The following TMEM181 variants were observed in gnomAD, a reference collection of about 807,000 sequenced individuals.
The protein encoded by TMEM181 is G protein-coupled receptor 178.
In TMEM181, 39 loss-of-function variants were observed where a neutral mutation model predicts 71.9. That is an observed-to-expected ratio of 0.54 (90% CI 0.42 to 0.71). The LOEUF (loss-of-function observed/expected upper bound fraction) is 0.71, where lower values mean the gene tolerates loss of function less well. Among genes scored for constraint, TMEM181 ranks in the 30% least tolerant of loss-of-function variants. The pLI is 0.00. For missense variants in TMEM181, 595 were observed against 583.0 expected, an observed-to-expected ratio of 1.02 and a Z score of -0.21; for synonymous variants, 245 against 228.8, an observed-to-expected ratio of 1.07 and a Z score of -0.64.
At chr6:158,580,554 G>T (rs1279129896) in intron 2 of TMEM181, among the ~76,000 whole-genome samples, 1 of 152,228 alleles carries the variant, frequency 6.6e-6, no homozygotes, top group African/African-American at 2.4e-5. Context: ...AGATAAGTGT[G>T]TCTTAGGTTT....
chr6:158,559,021 C>T (rs969260684), upstream of TMEM181, among the ~76,000 whole-genome samples: 3 of 152,086 alleles, frequency 2.0e-5, no homozygotes, highest in Non-Finnish European at 4.4e-5. Context: ...TGAAGAGTTG[C>T]GGTTTAGGAT....
intron 6 of TMEM181, among the ~76,000 whole-genome samples, chr6:158,602,612 T>C (rs946234310): frequency 3.6e-5 from 5 of 138,808 alleles, no homozygotes; most frequent in African/African-American, 1.3e-4. Context: ...TTTTAATTTA[T>C]GTACTTTTTT....
chr6:158,554,378 G>A (rs554265797), intron 1 of TMEM181, among the ~76,000 whole-genome samples: 3 of 152,058 alleles, frequency 2.0e-5, no homozygotes, highest in East Asian at 3.9e-4. Flanking sequence ...GAGCCACCGC[G>A]CCTGGCCATT....
intron 2 of TMEM181, among the ~76,000 whole-genome samples, chr6:158,578,997 G>T (rs1352256955): frequency 6.6e-6 from 1 of 151,992 alleles, no homozygotes; most frequent in Non-Finnish European, 1.5e-5. Flanking sequence ...GGTGGCTCAT[G>T]CCTGTAATCC....
rs750902726 is a variant in TMEM181, at chr6:158,608,740, A to G, written c.886A>G (p.Ile296Val). 3.8e-5 allele frequency: 62 copies of G among 1,611,432 alleles called. No homozygotes were observed. Among genetic ancestry groups the G allele is most frequent in the Admixed American group, 1.9e-4 (11 of 59,334 alleles). Residue 296 changes from isoleucine (I) to valine (V), a missense_variant, in exon 10 of 17, where the codon ATA (isoleucine) becomes GTA (valine). Ile to Val is a conservative substitution (Grantham distance 29). Coordinates refer to ENST00000684151, the MANE Select transcript of TMEM181 (RefSeq NM_001376852.1). ...GTGGTTGGCTTCTGTTACGCTAGGA[A>G]TATGGCAAACGTGAGTAATTCTATT... The part of the protein sequence containing the change: ...LLWLASVTLG[I>V]WQTVNELHDP...
intron 1 of TMEM181, among the ~76,000 whole-genome samples, chr6:158,549,110 C>CTTTTTTT (rs33969411): frequency 1.5e-5 from 1 of 67,514 alleles, no homozygotes; most frequent in African/African-American, 6.2e-5. Flanking sequence ...GTGCACACTT[C>CTTTTTTT]TTTTTTTTTT....
chr6:158,552,118 T>A (rs2885542), intron 1 of TMEM181, among the ~76,000 whole-genome samples: 93,084 of 152,130 alleles, frequency 0.61, 28,861 homozygotes, highest in East Asian at 0.73. Flanking sequence ...ATGCGAAATT[T>A]AAAAAGCTTA....
intron 10 of TMEM181, among the ~76,000 whole-genome samples, chr6:158,613,947 T>C (rs1785470873): frequency 6.6e-6 from 1 of 152,330 alleles, no homozygotes; most frequent in African/African-American, 2.4e-5. Flanking sequence ...AGAAACACAA[T>C]TGACAAATAA....
rs761375155 is a variant in TMEM181, at chr6:158,605,360, C to T, written c.573+13C>T. 4.3e-6 allele frequency: 7 copies of T among 1,612,816 alleles called. No homozygotes were observed. The highest frequency in any genetic ancestry group is 4.0e-5 in the African/African-American group (3 of 74,846). On this transcript the variant is annotated intron_variant, in intron 7 of 16. Transcript: ENST00000684151. ...CTTCATCGTCACTGTGAGTACCATT[C>T]GCCTGATGGACCGCAGCAGATCCCA...
chr6:158,609,878 A>G (rs1785191759), intron 10 of TMEM181: 1 of 236,400 alleles, frequency 4.2e-6, no homozygotes, highest in Non-Finnish European at 9.4e-6. Context: ...ATCCGTTTCC[A>G]TGATGATTCT....
rs370950025 is a variant in TMEM181, at chr6:158,625,809, A to G, written c.1109+55A>G. 4.1e-5 allele frequency: 61 copies of G among 1,495,172 alleles called. No homozygotes were observed. In the African/African-American group the frequency reaches 6.2e-4, roughly 15 times the overall value. The allele number at this position is 1,495,172 out of a possible 1,614,324, so 92.6% of individuals were successfully genotyped here. A position where few individuals can be genotyped will look rare whatever the true frequency, so the allele number is the denominator to read the frequency against. ...AAAACGGAATTTTTCTTTTACTGTC[A>G]GGAATATCTGTTGCCTCCTTTTGTG... is the stretch of plus-strand genomic sequence containing the variant. On this transcript the variant is annotated intron_variant, in intron 13 of 16. Transcript: ENST00000684151.
intron 16 of TMEM181, 57 bp from the exon 17 acceptor site, chr6:158,631,753 G>A: frequency 1.3e-6 from 2 of 1,520,866 alleles, no homozygotes; most frequent in Middle Eastern, 1.7e-4. Context: ...CAGTGTGGAA[G>A]AGGAAAATAA....
rs1310611800 is a variant in TMEM181, at chr6:158,632,702, C to T, written c.*814C>T. 1 of 152,216 alleles carries T rather than the reference C, an allele frequency of 6.6e-6. No individual in the cohort carries two copies. Among genetic ancestry groups the T allele is most frequent in the Non-Finnish European group, 1.5e-5 (1 of 68,056 alleles). 9.4% of individuals were successfully genotyped at this position (152,216 alleles called of 1,614,324 possible). A position where few individuals can be genotyped will look rare whatever the true frequency, so the allele number is the denominator to read the frequency against. On this transcript the variant is annotated 3_prime_UTR_variant, in exon 17 of 17. Coordinates refer to ENST00000684151, the MANE Select transcript of TMEM181 (RefSeq NM_001376852.1). The stretch of plus-strand genomic sequence containing the variant: ...GGCAGGAGAGGAACCCTTACCATTC[C>T]AGTAAATAGCAGTTTCTGCAATTCT...
In TMEM181 at chr6:158,567,433, C is replaced by T. The variant is rs111357648; in HGVS notation, c.9-5987C>T. 2.3e-3 allele frequency among the ~76,000 whole-genome samples: 347 copies of T among 152,324 alleles called. 2 individuals carry two copies. The highest frequency in any genetic ancestry group is 6.9e-3 in the African/African-American group (285 of 41,570). On this transcript the variant is annotated intron_variant, in intron 1 of 16. Transcript: ENST00000684151. ...TTTGTATGCCTCCCACGTGCCAAGC[C>T]GTTCGCCGTCAGGCACTCTGCTGTG...
chr6:158,538,912 GA>G (rs1161468248), intron 1 of TMEM181, among the ~76,000 whole-genome samples: 3 of 152,222 alleles, frequency 2.0e-5, no homozygotes, highest in Non-Finnish European at 4.4e-5. Context: ...GGCACAGATG[GA>G]AGACCAGCGA....
intron 13 of TMEM181, chr6:158,626,832 T>TC (rs1219174159): frequency 9.9e-6 from 4 of 404,162 alleles, no homozygotes; most frequent in Non-Finnish European, 2.0e-5. Context: ...ACACACACCT[T>TC]CACACACACC....
chr6:158,563,852 G>A (rs754938881), intron 1 of TMEM181, among the ~76,000 whole-genome samples: 3 of 152,144 alleles, frequency 2.0e-5, no homozygotes, highest in Admixed American at 2.0e-4. Flanking sequence ...TGCGATCTCA[G>A]CTCACTGCAA....
intron 1 of TMEM181, among the ~76,000 whole-genome samples, chr6:158,569,820 C>T (rs1373082375): frequency 2.0e-5 from 3 of 152,204 alleles, no homozygotes; most frequent in East Asian, 1.9e-4. Context: ...AGGCTGGTCC[C>T]GAATTCCTGA....
chr6:158,588,338 A>T (rs965885403), intron 5 of TMEM181, among the ~76,000 whole-genome samples: 1 of 152,088 alleles, frequency 6.6e-6, no homozygotes, highest in African/African-American at 2.4e-5. Flanking sequence ...AGCCCCCTGC[A>T]CACTCCCCTC....
Sources: allele counts gnomAD v4.1 joint callset (sites outside exome capture counted in the v4.1 genomes callset), GRCh38; gene constraint gnomAD v4.1.1; transcripts MANE v1.5; gene names NCBI Gene and HGNC (gene_info 2026-07-23, HGNC 2026-07-21).